Variants in RBM45 observed in about 807,000 individuals in gnomAD.
RBM45 encodes the protein RNA binding motif protein 45, also known as RNA-binding protein 45.
A neutral mutation model predicts 58.5 loss-of-function variants in RBM45; 39 were observed. The ratio of observed to expected loss-of-function variants is 0.67; its 90% CI spans 0.52 to 0.87. The LOEUF (loss-of-function observed/expected upper bound fraction) is 0.87, where lower values mean the gene tolerates loss of function less well. Ranked by LOEUF, RBM45 falls within the 40% of genes least tolerant of loss-of-function variation. The pLI is 0.00. For missense variants in RBM45, 481 were observed against 581.6 expected (o/e 0.83, Z 1.78); for synonymous variants, 193 against 203.0 (o/e 0.95, Z 0.42).
At chr2:178,117,784 A>C (rs1219067388) in intron 2 of RBM45, among the ~76,000 whole-genome samples, 1 of 152,166 alleles carries the variant, frequency 6.6e-6, no homozygotes, top group Non-Finnish European at 1.5e-5. Context: ...CTGGCTCTTA[A>C]CCACTGTTGA....
At chr2:178,123,727 G>A (rs2087888049) in intron 6 of RBM45, 76 bp downstream of exon 6, 2 of 1,587,244 alleles carry the variant, frequency 1.3e-6, no homozygotes, top group Non-Finnish European at 1.7e-6. Context: ...AATAAAAATA[G>A]AAACAATTGA....
chr2:178,138,920 AATTC>A (rs2088066192), exon 4 of RBM45: 1 of 152,002 alleles, frequency 6.6e-6, no homozygotes, highest in South Asian at 2.1e-4. Flanking sequence ...GAAATATTAA[AATTC>A]ATTCTTTTTT....
intron 2 of RBM45, among the ~76,000 whole-genome samples, chr2:178,117,574 C>T (rs2087793359): frequency 6.6e-6 from 1 of 152,142 alleles, no homozygotes; most frequent in Admixed American, 6.5e-5. Flanking sequence ...GTAATAATAG[C>T]TAATGTTCTT....
Position 178,124,198 on chromosome 2 carries a change from A to C in RBM45, c.1140A>C (p.Lys380Asn), listed in dbSNP as rs2087895635. The C allele has an allele frequency of 1.2e-6, 2 of 1,611,878 alleles. No homozygotes were observed. The highest frequency in any genetic ancestry group is 1.1e-5 in the South Asian group (1 of 90,034). ...ATGTTGTACTTCCATCATGCAAAAA[A>C]AAAGCTCCTGCTGAAACTCCTGTGA... ...QTDVVLPSCK[K>N]KAPAETPVKE... The change falls in exon 8 of 10, where the codon AAA becomes AAC. Residue 380 changes from lysine to asparagine, a missense_variant. By Grantham distance (94) the Lys-to-Asn change is moderately conservative. Transcript: ENST00000286070.
At chr2:178,133,766 T>G (rs1190270600), downstream of RBM45, 1 of 152,184 alleles carries the variant, frequency 6.6e-6, no homozygotes, top group African/African-American at 2.4e-5. Flanking sequence ...ATGATTTCAG[T>G]AAAGAGAAAA....
intron 1 of RBM45, among the ~76,000 whole-genome samples, chr2:178,114,318 T>A (rs1358682500): frequency 6.6e-6 from 1 of 152,176 alleles, no homozygotes; most frequent in Non-Finnish European, 1.5e-5. Context: ...TTTTTATATT[T>A]TGAGTGTAAC....
exon 4 of RBM45, chr2:178,138,024 G>A (rs2088059019): frequency 6.6e-6 from 1 of 152,140 alleles, no homozygotes; most frequent in Non-Finnish European, 1.5e-5. Context: ...AGTGAGAAAA[G>A]AAAGGGAGAA....
intron 9 of RBM45, among the ~76,000 whole-genome samples, chr2:178,127,093 C>G (rs571631658): frequency 6.6e-6 from 1 of 152,110 alleles, no homozygotes; most frequent in African/African-American, 2.4e-5. Context: ...CGTACCACCA[C>G]GCCTGGCTAA....
At chr2:178,119,565 G>A (rs2087822226) in intron 3 of RBM45, among the ~76,000 whole-genome samples, 1 of 152,198 alleles carries the variant, frequency 6.6e-6, no homozygotes, top group Non-Finnish European at 1.5e-5. Context: ...AGATTGTTTA[G>A]AAAGACAAAA....
chr2:178,134,533 T>C (rs1487941639), downstream of RBM45, among the ~76,000 whole-genome samples: 1 of 151,928 alleles, frequency 6.6e-6, no homozygotes, highest in Non-Finnish European at 1.5e-5. Flanking sequence ...ATTCATTAGC[T>C]CAGAGTTTTT....
At position 178,124,151 on chromosome 2, in the gene RBM45, C is replaced by A; in HGVS notation, c.1093C>A (p.Gln365Lys). The change falls in exon 8 of 10, where the codon CAG (glutamine) becomes AAG (lysine). Residue 365 changes from glutamine (Q) to lysine (K), a missense_variant. Coordinates refer to ENST00000286070, the MANE Select transcript of RBM45 (RefSeq NM_152945.4). ...GCAATTTGGAGGAAGCTCTGGATCA[C>A]AGTTGCCTCAAATCCAGACAGATGT... Reference protein sequence around the residue: ...FMQFGGSSGSQLPQIQTDVVL... With the variant: ...FMQFGGSSGSKLPQIQTDVVL... 3 of 1,597,678 alleles carry A rather than the reference C, an allele frequency of 1.9e-6. No individual in the cohort carries two copies. Among genetic ancestry groups the A allele is most frequent in the South Asian group, 1.2e-5 (1 of 86,026 alleles).
In RBM45 at chr2:178,121,332, G is replaced by A; in HGVS notation, c.826G>A (p.Val276Ile). 1 of 1,568,618 alleles carries A rather than the reference G, an allele frequency of 6.4e-7. No homozygotes were observed. The highest frequency in any genetic ancestry group is 8.6e-7 in the Non-Finnish European group (1 of 1,162,822). ...AGTACCAGGATTGGAATATTGTGAA[G>A]TTCAACGAGATCCTTATTCAAATTA... ...DIVPGLEYCE[V>I]QRDPYSNYGH... Residue 276 changes from valine (V) to isoleucine (I), a missense_variant, in exon 5 of 10, where the codon GTT becomes ATT. Transcript: ENST00000286070.
At chr2:178,132,525 T>G (rs1383791901), downstream of RBM45, among the ~76,000 whole-genome samples, 1 of 152,194 alleles carries the variant, frequency 6.6e-6, no homozygotes, top group African/African-American at 2.4e-5. Flanking sequence ...CAATCTTAAT[T>G]TAAGGCACTG....
chr2:178,120,185 G>C lies in RBM45; in HGVS notation c.551-102G>C, dbSNP rs189095497. On this transcript the variant is annotated intron_variant, in intron 3 of 9. Transcript: ENST00000286070. ...ATGGCCATTGTATAGATTTTGCTTT[G>C]TACAATTATATTTATAAAGCTGAGT... 3.3e-5 allele frequency: 49 copies of C among 1,485,842 alleles called. 1 individual carries two copies. The Middle Eastern group carries it at 9.0e-4, about 27-fold the overall frequency. 92.0% of individuals were successfully genotyped at this position (1,485,842 alleles called of 1,614,324 possible).
chr2:178,137,387 A>G (rs1000465874), exon 4 of RBM45: 2 of 152,200 alleles, frequency 1.3e-5, no homozygotes, highest in East Asian at 3.9e-4. Flanking sequence ...CATATATCCA[A>G]CAAAGATGTG....
chr2:178,114,387 A>G (rs1445508796), intron 1 of RBM45, among the ~76,000 whole-genome samples: 1 of 152,162 alleles, frequency 6.6e-6, no homozygotes, highest in Admixed American at 6.6e-5. Flanking sequence ...AAATTGATGG[A>G]CCACCTTCCC....
chr2:178,133,168 A>G (rs2088018781), downstream of RBM45, among the ~76,000 whole-genome samples: 1 of 152,190 alleles, frequency 6.6e-6, no homozygotes, highest in South Asian at 2.1e-4. Flanking sequence ...TTCCTCAGTT[A>G]ATATCAGTAA....
chr2:178,120,468 T>C, intron 4 of RBM45, 59 bp downstream of exon 4: 1 of 1,456,140 alleles, frequency 6.9e-7, no homozygotes, highest in Admixed American at 2.4e-5. Context: ...CTAATTTGGG[T>C]TTTAAAGAAT....
At chr2:178,122,167 A>C (rs2087861720) in intron 5 of RBM45, among the ~76,000 whole-genome samples, 1 of 152,176 alleles carries the variant, frequency 6.6e-6, no homozygotes, top group Non-Finnish European at 1.5e-5. Context: ...TAAGAATTAG[A>C]GATAATATAT....
Sources: gnomAD v4.1 joint callset for allele counts (sites outside exome capture counted in the v4.1 genomes callset) on GRCh38, gnomAD v4.1.1 for gene constraint, MANE v1.5 for transcripts, NCBI Gene and HGNC (gene_info 2026-07-23, HGNC 2026-07-21) for gene names.